Variants in MLXIP observed in about 807,000 individuals in gnomAD.
The protein encoded by MLXIP is MLX-interacting protein.
MLXIP carries 30 observed loss-of-function variants against 87.2 expected under a neutral mutation model. The ratio of observed to expected loss-of-function variants is 0.34; its 90% CI spans 0.26 to 0.47. The LOEUF (loss-of-function observed/expected upper bound fraction) is 0.47, where lower values mean the gene tolerates loss of function less well. MLXIP is among the 20% of genes least tolerant of loss of function. The pLI, the probability that MLXIP is intolerant of heterozygous loss-of-function variation, is 1.00. For synonymous variants in MLXIP, 530 were observed against 514.0 expected (o/e 1.03, Z -0.42); for missense variants, 1,002 against 1,240.1 (o/e 0.81, Z 2.88).
chr12:122,135,007 A>G lies in MLXIP; in HGVS notation c.1733-217A>G, dbSNP rs1436842348. ...TTTTTTTTAAAGTTAGTCACAACCT[A>G]CAGTGTGAAAACATGGTCCTGGCCA... On this transcript the variant is annotated intron_variant, in intron 9 of 16. Coordinates refer to ENST00000319080, the MANE Select transcript of MLXIP (RefSeq NM_014938.6). The surrounding 1 kb of genome is among the most constrained non-coding windows in gnomAD (Gnocchi z 5.3). 3 of 553,326 alleles carry G rather than the reference A, an allele frequency of 5.4e-6. No individual in the cohort carries two copies. The African/African-American group carries it at 5.7e-5, about 11-fold the overall frequency. The allele number at this position is 553,326 out of a possible 1,614,324, so 34.3% of individuals were successfully genotyped here.
chr12:122,116,984 C>G (rs562808545), intron 1 of MLXIP, among the ~76,000 whole-genome samples: 1 of 152,310 alleles, frequency 6.6e-6, no homozygotes, highest in Admixed American at 6.5e-5. Context: ...TGCAGGCAGG[C>G]ACATCTTGCC....
At chr12:122,087,035 A>G (rs1219716138) in intron 1 of MLXIP, among the ~76,000 whole-genome samples, 1 of 151,880 alleles carries the variant, frequency 6.6e-6, no homozygotes, top group African/African-American at 2.4e-5. Context: ...TCACATATGG[A>G]CCTTGCTATG....
At chr12:122,129,662 CT>C (rs5801481) in intron 5 of MLXIP, 33 bp downstream of exon 5, 804,924 of 1,608,800 alleles carry the variant, frequency 0.5, 203,763 homozygotes, top group African/African-American at 0.66. Flanking sequence ...AGGACCCCCA[CT>C]TTGACATGAG....
In MLXIP at chr12:122,138,798, G is replaced by A. The variant is rs373790559; in HGVS notation, c.2385-17G>A. Reference sequence around the variant, plus strand: ...CCACTGGCTGCTCCACAGCTCCCACGGCTCCTGTCATTTCAGCTCCTGCCA... The same window carrying A: ...CCACTGGCTGCTCCACAGCTCCCACAGCTCCTGTCATTTCAGCTCCTGCCA... On this transcript the variant is annotated splice_polypyrimidine_tract_variant and intron_variant, in intron 14 of 16. Transcript: ENST00000319080. 116 of 1,611,630 alleles carry A rather than the reference G, an allele frequency of 7.2e-5. No individual in the cohort carries two copies. Among genetic ancestry groups the A allele is most frequent in the African/African-American group, 4.7e-4 (35 of 74,986 alleles).
chr12:122,119,460 C>T (rs1011608935), intron 1 of MLXIP, among the ~76,000 whole-genome samples: 3 of 151,982 alleles, frequency 2.0e-5, no homozygotes, highest in Middle Eastern at 3.2e-3. Context: ...GGCGCAATCT[C>T]AGCTCACTGC....
chr12:122,085,405 A>T (rs1593056931), intron 1 of MLXIP, among the ~76,000 whole-genome samples: 2 of 142,950 alleles, frequency 1.4e-5, no homozygotes, highest in East Asian at 4.1e-4. Flanking sequence ...TCTGTAGTGA[A>T]TTTTTTTTTT....
At chr12:122,090,899 G>A (rs1952236424) in intron 1 of MLXIP, among the ~76,000 whole-genome samples, 1 of 152,176 alleles carries the variant, frequency 6.6e-6, no homozygotes, top group African/African-American at 2.4e-5. Flanking sequence ...GATGCGAAAG[G>A]CCTAGAGTAG....
At chr12:122,139,436 T>G (rs1311759955) in intron 15 of MLXIP, among the ~76,000 whole-genome samples, 1 of 152,162 alleles carries the variant, frequency 6.6e-6, no homozygotes, top group Non-Finnish European at 1.5e-5. Flanking sequence ...CACTCAGCCT[T>G]CCAGGTGGCA....
intron 1 of MLXIP, among the ~76,000 whole-genome samples, chr12:122,110,564 G>A (rs1952589723): frequency 6.6e-6 from 1 of 151,958 alleles, no homozygotes; most frequent in Non-Finnish European, 1.5e-5. Context: ...TGGGATTACA[G>A]GTGTGAGCCA....
At chr12:122,099,542 C>T (rs1019839206) in intron 1 of MLXIP, among the ~76,000 whole-genome samples, 5 of 152,266 alleles carry the variant, frequency 3.3e-5, no homozygotes, top group Admixed American at 6.5e-5. Context: ...GTCCCTGCAG[C>T]CCGGGCTGAT....
intron 1 of MLXIP, among the ~76,000 whole-genome samples, chr12:122,107,348 C>A (rs1426625697): frequency 6.6e-6 from 1 of 152,172 alleles, no homozygotes; most frequent in Non-Finnish European, 1.5e-5. Context: ...CCTAATCTCA[C>A]AGCTCTGGTG....
intron 1 of MLXIP, among the ~76,000 whole-genome samples, chr12:122,087,094 C>T (rs1052703930): frequency 6.6e-6 from 1 of 152,160 alleles, no homozygotes; most frequent in Admixed American, 6.5e-5. Context: ...ATTGAATTAG[C>T]CCCATGAGGG....
At chr12:122,139,245 A>AAGG (rs1488673161) in intron 15 of MLXIP, among the ~76,000 whole-genome samples, 1 of 152,146 alleles carries the variant, frequency 6.6e-6, no homozygotes, top group African/African-American at 2.4e-5. Flanking sequence ...GGTGCAGGGG[A>AAGG]AGGAGGCATG....
At chr12:122,121,307 C>CT (rs35967072) in intron 1 of MLXIP, among the ~76,000 whole-genome samples, 55,623 of 118,082 alleles carry the variant, frequency 0.47, 14,307 homozygotes, top group Middle Eastern at 0.6. Flanking sequence ...TGTGCCCAGC[C>CT]TTTTTTTTTT....
intron 1 of MLXIP, among the ~76,000 whole-genome samples, chr12:122,125,034 C>T (rs1161888755): frequency 6.6e-6 from 1 of 152,152 alleles, no homozygotes; most frequent in Non-Finnish European, 1.5e-5. Flanking sequence ...GGTGTGGTGG[C>T]GCATGCCTGT....
intron 4 of MLXIP, 113 bp downstream of exon 4, chr12:122,129,339 G>C (rs1565981929): frequency 9.7e-7 from 1 of 1,032,538 alleles, no homozygotes; most frequent in East Asian, 2.6e-5. Context: ...TGAACGTGGA[G>C]CGTCAAGCAG....
rs1953114060 is a variant in MLXIP, at chr12:122,137,477, T to C, written c.2041T>C (p.Cys681Arg). ...QVTVTGPSRD[C>R]PNSGQASPCA... The stretch of plus-strand genomic sequence containing the variant: ...GAGTCTGTTCTTACCAGGTCGGGAC[T>C]GCCCAAACTCAGGGCAGGCCTCTCC... Residue 681 changes from cysteine (C) to arginine (R), a missense_variant, in exon 12 of 17, where the codon TGC (cysteine) becomes CGC (arginine). Coordinates refer to ENST00000319080, the MANE Select transcript of MLXIP (RefSeq NM_014938.6). The surrounding 1 kb of genome is among the most constrained non-coding windows in gnomAD (Gnocchi z 4.1). The C allele has an allele frequency of 1.9e-6, 3 of 1,613,680 alleles. No individual in the cohort carries two copies. The highest frequency in any genetic ancestry group is 2.5e-6 in the Non-Finnish European group (3 of 1,179,788).
Position 122,135,130 on chromosome 12 carries a change from A to G in MLXIP, c.1733-94A>G. On this transcript the variant is annotated intron_variant, in intron 9 of 16. Coordinates refer to ENST00000319080, the MANE Select transcript of MLXIP (RefSeq NM_014938.6). The surrounding 1 kb of genome is among the most constrained non-coding windows in gnomAD (Gnocchi z 5.3). The stretch of plus-strand genomic sequence containing the variant: ...GTCTTCCTGTCCCCTGGGGTTGAGA[A>G]CAAGCTGTCTCACTGGCAGAGAGGC... 6.6e-7 allele frequency: 1 copy of G among 1,503,874 alleles called. No individual in the cohort carries two copies. The highest frequency in any genetic ancestry group is 9.1e-7 in the Non-Finnish European group (1 of 1,102,324). 93.2% of individuals were successfully genotyped at this position (1,503,874 alleles called of 1,614,324 possible).
chr12:122,114,759 G>A (rs796882064), intron 1 of MLXIP, among the ~76,000 whole-genome samples: 1 of 40,582 alleles, frequency 2.5e-5, no homozygotes, highest in Non-Finnish European at 5.0e-5. Flanking sequence ...TTTTTTTGGT[G>A]GGGGGGGACA....
Sources: gnomAD v4.1 joint callset for allele counts (sites outside exome capture counted in the v4.1 genomes callset) on GRCh38, gnomAD v4.1.1 for gene constraint, Gnocchi (gnomAD v3.1) non-coding constraint, MANE v1.5 for transcripts, NCBI Gene and HGNC (gene_info 2026-07-23, HGNC 2026-07-21) for gene names.